The following PARD3 variants were observed in gnomAD, a reference collection of about 807,000 sequenced individuals.
PARD3 encodes partitioning defective 3 homolog.
A neutral mutation model predicts 155.4 loss-of-function variants in PARD3; 75 were observed. The observed-to-expected ratio is 0.48, with a 90% CI of 0.40 to 0.58. The LOEUF is 0.58. Among genes scored for constraint, PARD3 ranks in the 20% least tolerant of loss-of-function variants. The probability of loss-of-function intolerance (pLI) is 0.00; values close to 1 mark genes in which losing one functional copy is unlikely to be tolerated. For missense variants in PARD3, 1,642 were observed against 1,721.7 expected (o/e 0.95, Z 0.82); for synonymous variants, 576 against 610.5 (o/e 0.94, Z 0.83).
In PARD3 at chr10:34,110,612, A is replaced by G. The variant is rs1449647372; in HGVS notation, c.*557T>C. On this transcript the variant is annotated 3_prime_UTR_variant, in exon 25 of 25. Transcript: ENST00000374788. ...ACTATGGCTTAGCTTCTGTAATAGG[A>G]TGACCGACTCTCCCGTCACAAAGAG... 1 of 152,378 alleles carries G rather than the reference A, an allele frequency of 6.6e-6. No individual in the cohort carries two copies. The highest frequency in any genetic ancestry group is 2.4e-5 in the African/African-American group (1 of 41,446). 9.4% of individuals were successfully genotyped at this position (152,378 alleles called of 1,614,324 possible). A position where few individuals can be genotyped will look rare whatever the true frequency, so the allele number is the denominator to read the frequency against.
chr10:34,355,078 G>A lies in PARD3; in HGVS notation c.2067+4069C>T, dbSNP rs1048417879. On this transcript the variant is annotated intron_variant, in intron 14 of 24. Transcript: ENST00000374788. The stretch of plus-strand genomic sequence containing the variant: ...AGGCCAGGCGCAGTGGCTCACAGGC[G>A]TAATTCCAGCACTTTAGGAAGCTGA... 8.5e-5 allele frequency among the ~76,000 whole-genome samples: 13 copies of A among 152,092 alleles called. 1 individual carries two copies. The highest frequency in any genetic ancestry group is 8.5e-4 in the Admixed American group (13 of 15,282).
At chr10:34,211,717 T>C (rs1166589847) in intron 22 of PARD3, among the ~76,000 whole-genome samples, 5 of 151,878 alleles carry the variant, frequency 3.3e-5, no homozygotes, top group African/African-American at 2.4e-5. Flanking sequence ...GAGGCGGAGA[T>C]TGCAGTGAGC....
chr10:34,131,185 T>A (rs2132772253), intron 23 of PARD3, among the ~76,000 whole-genome samples: 1 of 152,328 alleles, frequency 6.6e-6, no homozygotes. Flanking sequence ...TTACTAAATT[T>A]AAAAAATGCT....
At chr10:34,296,438 C>A (rs1956914778) in intron 20 of PARD3, among the ~76,000 whole-genome samples, 2 of 152,096 alleles carry the variant, frequency 1.3e-5, no homozygotes. Context: ...GCTATGTTGC[C>A]CAGGCTGGTC....
chr10:34,470,591 C>T (rs1011370019), intron 3 of PARD3, among the ~76,000 whole-genome samples: 16 of 152,102 alleles, frequency 1.1e-4, no homozygotes, highest in Non-Finnish European at 2.1e-4. Context: ...TAAAACAGTA[C>T]CTCTTTCATC....
At chr10:34,222,175 G>T (rs1179605536) in intron 22 of PARD3, among the ~76,000 whole-genome samples, 1 of 152,178 alleles carries the variant, frequency 6.6e-6, no homozygotes, top group East Asian at 1.9e-4. Flanking sequence ...ACAGAAGAAA[G>T]AAACATGCCT....
At chr10:34,501,180 T>C (rs1471705130) in intron 3 of PARD3, among the ~76,000 whole-genome samples, 3 of 152,184 alleles carry the variant, frequency 2.0e-5, no homozygotes, top group African/African-American at 7.2e-5. Context: ...CATGTTGAAC[T>C]GTAATCCCCA....
At chr10:34,126,383 A>G (rs553443679) in intron 23 of PARD3, among the ~76,000 whole-genome samples, 1 of 152,336 alleles carries the variant, frequency 6.6e-6, no homozygotes, top group Non-Finnish European at 1.5e-5. Flanking sequence ...ATGTAAAGTA[A>G]TTGGCTTACA....
chr10:34,544,380 T>C (rs1289948635), intron 2 of PARD3, among the ~76,000 whole-genome samples: 1 of 152,192 alleles, frequency 6.6e-6, no homozygotes, highest in Non-Finnish European at 1.5e-5. Flanking sequence ...ATTTCCTTAA[T>C]AATAAAAAAC....
chr10:34,375,008 A>C lies in PARD3; in HGVS notation c.1540-6T>G, dbSNP rs1841071209. 6.2e-7 allele frequency: 1 copy of C among 1,612,754 alleles called. No individual in the cohort carries two copies. Among genetic ancestry groups the C allele is most frequent in the Non-Finnish European group, 8.5e-7 (1 of 1,179,488 alleles). On this transcript the variant is annotated splice_region_variant and splice_polypyrimidine_tract_variant and intron_variant, in intron 10 of 24. Coordinates refer to ENST00000374788, the MANE Select transcript of PARD3 (RefSeq NM_001184785.2). ...ACTAAATCTACTCCATTTACCTAAA[A>C]CAAAACAAAAGTTTTCAGCTGTAAT...
At chr10:34,539,967 G>A (rs896415499) in intron 2 of PARD3, among the ~76,000 whole-genome samples, 9 of 152,256 alleles carry the variant, frequency 5.9e-5, no homozygotes, top group East Asian at 1.9e-4. Context: ...AACCATACGC[G>A]ACTACCTTCC....
At chr10:34,759,999 A>C (rs957029663) in intron 1 of PARD3, among the ~76,000 whole-genome samples, 3 of 152,206 alleles carry the variant, frequency 2.0e-5, no homozygotes, top group African/African-American at 4.8e-5. Flanking sequence ...TACCTGTCAA[A>C]ATCTTTCACA....
chr10:34,494,890 C>T (rs2080167434), intron 3 of PARD3, among the ~76,000 whole-genome samples: 1 of 152,092 alleles, frequency 6.6e-6, no homozygotes, highest in South Asian at 2.1e-4. Context: ...ATGTAGGATG[C>T]ACTGGTAACA....
chr10:34,427,971 T>C (rs1204981952), intron 5 of PARD3, among the ~76,000 whole-genome samples: 3 of 152,018 alleles, frequency 2.0e-5, no homozygotes, highest in Non-Finnish European at 4.4e-5. Context: ...TGAAGTGGAA[T>C]ATGTGATGGC....
chr10:34,598,749 T>A (rs2089511256), intron 2 of PARD3, among the ~76,000 whole-genome samples: 1 of 152,130 alleles, frequency 6.6e-6, no homozygotes, highest in Non-Finnish European at 1.5e-5. Context: ...GTACCAGCAG[T>A]AAAGAGTTAT....
chr10:34,301,285 T>C (rs1032068309), intron 20 of PARD3, among the ~76,000 whole-genome samples: 4 of 152,206 alleles, frequency 2.6e-5, no homozygotes, highest in Non-Finnish European at 4.4e-5. Context: ...AATCACTCCA[T>C]GTAGCCAAGA....
intron 2 of PARD3, among the ~76,000 whole-genome samples, chr10:34,571,261 C>A (rs59423020): frequency 0.042 from 6,407 of 152,246 alleles, 392 homozygotes; most frequent in African/African-American, 0.14. Flanking sequence ...CTGTGGGGAG[C>A]TATGATCACC....
chr10:34,475,105 A>C (rs766598310), intron 3 of PARD3, among the ~76,000 whole-genome samples: 8 of 152,216 alleles, frequency 5.3e-5, no homozygotes, highest in Non-Finnish European at 5.9e-5. Context: ...GATGACCTCA[A>C]AGAGTTTTTG....
intron 22 of PARD3, among the ~76,000 whole-genome samples, chr10:34,240,284 G>A (rs1008468394): frequency 6.6e-6 from 1 of 152,188 alleles, no homozygotes; most frequent in Admixed American, 6.5e-5. Flanking sequence ...AAAGAGTTAT[G>A]TAGAGTATGA....
Sources: gnomAD v4.1 joint callset for allele counts (sites outside exome capture counted in the v4.1 genomes callset) on GRCh38, gnomAD v4.1.1 for gene constraint, MANE v1.5 for transcripts, NCBI Gene and HGNC (gene_info 2026-07-23, HGNC 2026-07-21) for gene names.